MMP24: variants seen among roughly 807,000 people sequenced by gnomAD.
MMP24 encodes matrix metallopeptidase 24, also known as matrix metalloproteinase-24.
MMP24 carries 25 observed loss-of-function variants against 62.8 expected under a neutral mutation model. The observed-to-expected ratio is 0.40, with a 90% confidence interval of 0.29 to 0.56. The LOEUF (loss-of-function observed/expected upper bound fraction) is 0.56, where lower values mean the gene tolerates loss of function less well. MMP24 is among the 20% of genes least tolerant of loss of function. The pLI is 0.50. For missense variants in MMP24, 634 were observed against 853.6 expected (o/e 0.74, Z 3.21); for synonymous variants, 319 against 350.5 (o/e 0.91, Z 1.00).
At chr20:35,250,129 T>C (rs1422147420) in intron 2 of MMP24, among the ~76,000 whole-genome samples, 1 of 151,998 alleles carries the variant, frequency 6.6e-6, no homozygotes, top group East Asian at 1.9e-4. Context: ...ATTTTTTGTA[T>C]CTTTAGTAGA....
intron 1 of MMP24, among the ~76,000 whole-genome samples, chr20:35,243,943 G>C (rs1331346865): frequency 6.6e-6 from 1 of 152,210 alleles, no homozygotes; most frequent in Non-Finnish European, 1.5e-5. Context: ...CCAATTGTGA[G>C]AGACAGAAAG....
intron 8 of MMP24, chr20:35,272,235 A>AT (rs772868150): frequency 2.8e-5 from 12 of 422,678 alleles, no homozygotes; most frequent in East Asian, 2.0e-4. Flanking sequence ...TTCAAAAAAA[A>AT]TTTTTTTTTA....
chr20:35,250,244 C>T (rs2060538002), intron 2 of MMP24, among the ~76,000 whole-genome samples: 1 of 152,166 alleles, frequency 6.6e-6, no homozygotes, highest in Non-Finnish European at 1.5e-5. Context: ...TTAGCTACTG[C>T]ACCTGGCCAA....
intron 1 of MMP24, among the ~76,000 whole-genome samples, chr20:35,240,767 G>T (rs2060485032): frequency 6.6e-6 from 1 of 152,140 alleles, no homozygotes; most frequent in Non-Finnish European, 1.5e-5. Flanking sequence ...TCCAGGCAGT[G>T]CCTCCTAGAT....
At chr20:35,248,977 G>A (rs1215884900) in intron 2 of MMP24, among the ~76,000 whole-genome samples, 1 of 152,184 alleles carries the variant, frequency 6.6e-6, no homozygotes, top group Non-Finnish European at 1.5e-5. Context: ...GCAGGTGGAT[G>A]GTGAAAGGAG....
At position 35,276,316 on chromosome 20, in the gene MMP24, T is replaced by C. The variant is rs1452804616; in HGVS notation, c.*1707T>C. The C allele has an allele frequency of 2.5e-6, 1 of 398,990 alleles. No individual in the cohort carries two copies. The highest frequency in any genetic ancestry group is 3.6e-5 in the East Asian group (1 of 28,094). The allele number at this position is 398,990 out of a possible 1,614,324, so 24.7% of individuals were successfully genotyped here. On this transcript the variant is annotated 3_prime_UTR_variant, in exon 9 of 9. Coordinates refer to ENST00000246186, the MANE Select transcript of MMP24 (RefSeq NM_006690.4). ...CTCCCTGGGACAGGCAGGGAACAAC[T>C]GCGGAGATATTAGTGATTCATAGGT...
chr20:35,260,385 C>T (rs770821183), intron 4 of MMP24, among the ~76,000 whole-genome samples: 4 of 152,236 alleles, frequency 2.6e-5, no homozygotes, highest in African/African-American at 9.6e-5. Flanking sequence ...GACAAGGCTG[C>T]GGACAAAGGT....
chr20:35,274,618 G>A lies in MMP24; in HGVS notation c.*9G>A. ...TCCAGGAATGGGTGTGAGCAGCCCA[G>A]AGCCCTCTCTATCCACTTGGTCTGG... On this transcript the variant is annotated 3_prime_UTR_variant, in exon 9 of 9. Coordinates refer to ENST00000246186, the MANE Select transcript of MMP24 (RefSeq NM_006690.4). This position sits in a 1 kb window ranked among gnomAD's most constrained non-coding sequence, Gnocchi z 5.1. 6.3e-7 allele frequency: 1 copy of A among 1,589,234 alleles called. No homozygotes were observed. The highest frequency in any genetic ancestry group is 8.6e-7 in the Non-Finnish European group (1 of 1,166,590).
In MMP24 at chr20:35,246,907, A is replaced by C; in HGVS notation, c.314A>C (p.Lys105Thr). The C allele has an allele frequency of 6.2e-7, 1 of 1,614,050 alleles. No individual in the cohort carries two copies. Among genetic ancestry groups the C allele is most frequent in the Non-Finnish European group, 8.5e-7 (1 of 1,179,890 alleles). Residue 105 changes from lysine to threonine, a missense_variant, in exon 2 of 9, where the codon AAG (lysine) becomes ACG (threonine). Physicochemically the swap from Lys to Thr is moderately conservative, Grantham distance 78. Coordinates refer to ENST00000246186, the MANE Select transcript of MMP24 (RefSeq NM_006690.4). Reference protein sequence around the residue: ...DSRASALHSAKALQSAVSTMQ... With the variant: ...DSRASALHSATALQSAVSTMQ... ...CGGGCATCTGCGCTGCACTCAGCGA[A>C]GGCCTTGCAGTCGGCAGTCTCCACT...
intron 1 of MMP24, among the ~76,000 whole-genome samples, chr20:35,234,538 A>T (rs2060453382): frequency 6.6e-6 from 1 of 152,216 alleles, no homozygotes; most frequent in South Asian, 2.1e-4. Context: ...GCCCTCCCTG[A>T]TGAAGTGGCA....
intron 1 of MMP24, among the ~76,000 whole-genome samples, chr20:35,231,734 C>T (rs1225046469): frequency 6.6e-6 from 1 of 152,116 alleles, no homozygotes; most frequent in Non-Finnish European, 1.5e-5. Context: ...ATCATCTTGT[C>T]TAAGGACCCA....
chr20:35,258,134 T>C (rs2060584055), intron 4 of MMP24, among the ~76,000 whole-genome samples: 1 of 152,214 alleles, frequency 6.6e-6, no homozygotes, highest in Non-Finnish European at 1.5e-5. Context: ...TCAGCAATTA[T>C]CAACGTTGTG....
chr20:35,256,136 A>G (rs186717772), intron 4 of MMP24: 2 of 152,366 alleles, frequency 1.3e-5, no homozygotes. Context: ...GGAAACTATT[A>G]TATCTATTAA....
intron 1 of MMP24, among the ~76,000 whole-genome samples, chr20:35,230,045 A>G (rs1357407351): frequency 6.6e-6 from 1 of 152,050 alleles, no homozygotes; most frequent in South Asian, 2.1e-4. Context: ...GCTGGAGTGC[A>G]GTGGGGTGAT....
chr20:35,248,052 T>C (rs2060524678), intron 2 of MMP24, among the ~76,000 whole-genome samples: 2 of 152,020 alleles, frequency 1.3e-5, no homozygotes, highest in Admixed American at 1.3e-4. Flanking sequence ...CATTAAAGCA[T>C]GGAAAAGAAC....
intron 8 of MMP24, among the ~76,000 whole-genome samples, chr20:35,273,217 A>AT (rs992112937): frequency 0.11 from 36 of 342 alleles, no homozygotes; most frequent in Admixed American, 0.29. Flanking sequence ...ACATAGTGAG[A>AT]TTCATCTCTA....
At chr20:35,259,594 G>T (rs145269107) in intron 4 of MMP24, among the ~76,000 whole-genome samples, 2 of 152,324 alleles carry the variant, frequency 1.3e-5, no homozygotes, top group Non-Finnish European at 1.5e-5. Flanking sequence ...AAGGAATCAG[G>T]TTATTCCAGG....
chr20:35,267,078 C>G (rs2060639450), intron 5 of MMP24, 127 bp from the exon 6 acceptor site: 1 of 726,694 alleles, frequency 1.4e-6, no homozygotes, highest in South Asian at 1.9e-5. Flanking sequence ...GGGAGTTAAA[C>G]TGGGGAGAGG....
At chr20:35,247,175 A>G (rs576635203) in intron 2 of MMP24, among the ~76,000 whole-genome samples, 187 bp downstream of exon 2, 7 of 152,220 alleles carry the variant, frequency 4.6e-5, no homozygotes, top group South Asian at 4.1e-4. Flanking sequence ...CAGCCCTCCC[A>G]TTAACATTCC....
Sources: gnomAD v4.1 joint callset for allele counts (sites outside exome capture counted in the v4.1 genomes callset) on GRCh38, gnomAD v4.1.1 for gene constraint, Gnocchi (gnomAD v3.1) non-coding constraint, MANE v1.5 for transcripts, NCBI Gene and HGNC (gene_info 2026-07-23, HGNC 2026-07-21) for gene names.